Variants in AOPEP observed in about 807,000 individuals in gnomAD.
The protein encoded by AOPEP is aminopeptidase O (putative).
In AOPEP, 77 loss-of-function variants were observed where a neutral mutation model predicts 98.1. The observed-to-expected ratio is 0.78, with a 90% CI of 0.65 to 0.95. AOPEP has a LOEUF of 0.95. Among genes scored for constraint, AOPEP ranks in the 40% least tolerant of loss-of-function variants. AOPEP has a pLI of 0.00. For synonymous variants in AOPEP, 346 were observed against 365.3 expected, an observed-to-expected ratio of 0.95 and a Z score of 0.60; for missense variants, 1,024 against 1,024.7, an observed-to-expected ratio of 1.00 and a Z score of 0.01.
intron 7 of AOPEP, among the ~76,000 whole-genome samples, chr9:94,941,779 A>G (rs1189321218): frequency 2.0e-5 from 3 of 152,148 alleles, no homozygotes; most frequent in Admixed American, 6.6e-5. Flanking sequence ...ACATATTTAC[A>G]GTACTTGGTG....
chr9:94,977,770 G>A (rs1342194773), intron 10 of AOPEP, among the ~76,000 whole-genome samples: 3 of 152,134 alleles, frequency 2.0e-5, no homozygotes, highest in Non-Finnish European at 2.9e-5. Flanking sequence ...AGGTCTGCCC[G>A]GTAATTCCAC....
chr9:95,070,374 T>C (rs2068370339), intron 14 of AOPEP, among the ~76,000 whole-genome samples: 1 of 152,250 alleles, frequency 6.6e-6, no homozygotes, highest in African/African-American at 2.4e-5. Context: ...AAATGAGGTT[T>C]AATGGGCTTC....
chr9:94,792,661 C>A (rs1429517036), intron 3 of AOPEP, 104 bp from the exon 4 acceptor site: 1 of 1,144,666 alleles, frequency 8.7e-7, no homozygotes, highest in Admixed American at 2.4e-5. Flanking sequence ...TTGGCTCTTA[C>A]CAGCTTATCA....
intron 5 of AOPEP, 42 bp from the exon 6 acceptor site, chr9:94,923,944 C>T: frequency 9.9e-6 from 13 of 1,315,400 alleles, no homozygotes; most frequent in Non-Finnish European, 1.3e-5. Context: ...TGAGGACAGG[C>T]TCTAACAAGA....
chr9:95,029,457 G>C (rs1012469026), intron 13 of AOPEP, among the ~76,000 whole-genome samples: 2 of 152,142 alleles, frequency 1.3e-5, no homozygotes, highest in Non-Finnish European at 2.9e-5. Context: ...AGATCCTCAA[G>C]TGTAAGTGCT....
At chr9:95,041,606 T>G (rs2065319326) in intron 13 of AOPEP, among the ~76,000 whole-genome samples, 1 of 152,114 alleles carries the variant, frequency 6.6e-6, no homozygotes, top group Admixed American at 6.6e-5. Flanking sequence ...AAAACATCAC[T>G]AAACAGGGAT....
At chr9:94,919,800 G>A (rs1308114951) in intron 5 of AOPEP, among the ~76,000 whole-genome samples, 1 of 152,072 alleles carries the variant, frequency 6.6e-6, no homozygotes, top group Non-Finnish European at 1.5e-5. Context: ...ATGATTATAA[G>A]ACCCTTAGAA....
intron 1 of AOPEP, among the ~76,000 whole-genome samples, chr9:94,738,907 G>C (rs970360412): frequency 4.6e-5 from 7 of 152,318 alleles, no homozygotes; most frequent in Non-Finnish European, 8.8e-5. Context: ...TAAGGACAAA[G>C]TGAACTGTAA....
intron 1 of AOPEP, among the ~76,000 whole-genome samples, chr9:94,739,707 G>A (rs375683907): frequency 1.3e-5 from 2 of 151,708 alleles, no homozygotes; most frequent in African/African-American, 4.8e-5. Flanking sequence ...CTGCTAAATA[G>A]TAACCGCTAA....
At chr9:94,818,677 T>G (rs545882478) in intron 5 of AOPEP, among the ~76,000 whole-genome samples, 10 of 152,222 alleles carry the variant, frequency 6.6e-5, no homozygotes, top group Non-Finnish European at 1.5e-5. Flanking sequence ...CAAAATGTAT[T>G]TTTTAGTTCC....
chr9:95,060,877 T>C lies in AOPEP; in HGVS notation c.2232+67T>C, dbSNP rs935262657. ...CTGTTGTTGAAGAATGGTGATCCCA[T>C]TGCAGTCCCAAACTATTGAAACCAC... On this transcript the variant is annotated intron_variant, in intron 14 of 16. Transcript: ENST00000375315. 4 of 990,812 alleles carry C rather than the reference T, an allele frequency of 4.0e-6. No individual in the cohort carries two copies. The African/African-American group carries it at 4.8e-5, about 12-fold the overall frequency. The allele number at this position is 990,812 out of a possible 1,614,324, so 61.4% of individuals were successfully genotyped here. A position where few individuals can be genotyped will look rare whatever the true frequency, so the allele number is the denominator to read the frequency against.
At position 94,984,251 on chromosome 9, in the gene AOPEP, G is replaced by C. The variant is rs545315883; in HGVS notation, c.1977+4824G>C. On this transcript the variant is annotated intron_variant, in intron 11 of 16. Transcript: ENST00000375315. ...GGTTTCACCGTGTTAGGATGGTCTC[G>C]ATCTCCTGACCTCGTGATCTGTCTG... Among the ~76,000 whole-genome samples, 141 of 152,116 alleles carry C rather than the reference G, an allele frequency of 9.3e-4. 1 individual carries two copies. The South Asian group carries it at 0.029, about 31-fold the overall frequency.
intron 5 of AOPEP, among the ~76,000 whole-genome samples, chr9:94,836,489 A>T (rs1205911487): frequency 6.6e-6 from 1 of 152,144 alleles, no homozygotes; most frequent in African/African-American, 2.4e-5. Flanking sequence ...ATTTCTTCAT[A>T]TGCTTACTTT....
the AOPEP span, chr9:95,111,764 A>C: frequency 3.8e-6 from 4 of 1,043,074 alleles, no homozygotes; most frequent in South Asian, 2.7e-5. Context: ...TGCAACCTGC[A>C]AGGAATACAA....
intron 5 of AOPEP, among the ~76,000 whole-genome samples, chr9:94,919,426 G>T (rs185203404): frequency 2.0e-5 from 3 of 152,188 alleles, no homozygotes; most frequent in Admixed American, 2.0e-4. Flanking sequence ...TCCCTCCCAC[G>T]CAGTCTCAGG....
chr9:95,023,521 C>T (rs951617247), intron 13 of AOPEP, among the ~76,000 whole-genome samples: 1 of 152,198 alleles, frequency 6.6e-6, no homozygotes, highest in Non-Finnish European at 1.5e-5. Context: ...TCGGCTCCTC[C>T]AAAGGGAGTT....
At chr9:95,104,253 T>C in the AOPEP span, among the ~76,000 whole-genome samples, 1 of 152,110 alleles carries the variant, frequency 6.6e-6, no homozygotes, top group Admixed American at 6.5e-5. Context: ...ATAAAGATGG[T>C]TTCAAAACAT....
chr9:94,763,994 A>G (rs964602861), intron 2 of AOPEP, among the ~76,000 whole-genome samples: 1 of 152,214 alleles, frequency 6.6e-6, no homozygotes, highest in Non-Finnish European at 1.5e-5. Flanking sequence ...AGTGTGGACT[A>G]TACAGTCAGT....
At chr9:95,057,750 CAT>C (rs1169764875) in intron 13 of AOPEP, among the ~76,000 whole-genome samples, 2 of 152,154 alleles carry the variant, frequency 1.3e-5, no homozygotes, top group African/African-American at 4.8e-5. Context: ...CATTTCCCCC[CAT>C]GAGTTAGAAT....
Sources: allele counts gnomAD v4.1 joint callset (sites outside exome capture counted in the v4.1 genomes callset), GRCh38; gene constraint gnomAD v4.1.1; transcripts MANE v1.5; gene names NCBI Gene and HGNC (gene_info 2026-07-23, HGNC 2026-07-21).